The following PPP2R2B variants were observed in gnomAD, a reference collection of about 807,000 sequenced individuals.
PPP2R2B encodes serine/threonine-protein phosphatase 2A 55 kDa regulatory subunit B beta isoform.
Under a neutral mutation model 46.0 loss-of-function variants are expected in PPP2R2B, and 5 were observed. The ratio of observed to expected loss-of-function variants is 0.11; its 90% CI spans 0.06 to 0.23. The LOEUF (loss-of-function observed/expected upper bound fraction) is 0.23. Among genes scored for constraint, PPP2R2B ranks in the 10% least tolerant of loss-of-function variants. PPP2R2B has a pLI of 1.00. For missense variants in PPP2R2B, 367 were observed against 575.0 expected (o/e 0.64, Z 3.70); for synonymous variants, 215 against 206.7 (o/e 1.04, Z -0.34).
At chr5:146,861,372 T>A (rs999082907) in intron 2 of PPP2R2B, among the ~76,000 whole-genome samples, 21 of 151,992 alleles carry the variant, frequency 1.4e-4, no homozygotes, top group African/African-American at 3.9e-4. Context: ...CCTATATTTT[T>A]AGTAGAGGTG....
At chr5:146,640,505 C>T (rs1476043200) in intron 6 of PPP2R2B, among the ~76,000 whole-genome samples, 2 of 152,188 alleles carry the variant, frequency 1.3e-5, no homozygotes, top group African/African-American at 4.8e-5. Context: ...CATGACGTGG[C>T]GTTGGGTAAA....
At chr5:146,734,474 A>G (rs559423645) in intron 2 of PPP2R2B, among the ~76,000 whole-genome samples, 33 of 152,338 alleles carry the variant, frequency 2.2e-4, no homozygotes, top group South Asian at 1.0e-3. Context: ...TGAGGCACAG[A>G]CTGGTTACTT....
intron 1 of PPP2R2B, among the ~76,000 whole-genome samples, chr5:146,902,777 T>C (rs551983569): frequency 9.2e-5 from 14 of 152,330 alleles, no homozygotes; most frequent in Admixed American, 7.2e-4. Context: ...GGTCCTAATC[T>C]ATACTTCCCA....
At chr5:146,790,675 C>A (rs992846345) in intron 2 of PPP2R2B, among the ~76,000 whole-genome samples, 20 of 152,222 alleles carry the variant, frequency 1.3e-4, no homozygotes, top group African/African-American at 4.8e-4. Context: ...TGCCTAATAT[C>A]CCTCCCAAGG....
intron 1 of PPP2R2B, among the ~76,000 whole-genome samples, chr5:146,964,812 A>G (rs1243197628): frequency 6.6e-6 from 1 of 152,120 alleles, no homozygotes; most frequent in Non-Finnish European, 1.5e-5. Context: ...GGTGTGAGCC[A>G]CCGCACCTGA....
At chr5:146,983,364 T>C (rs555915542) in intron 1 of PPP2R2B, among the ~76,000 whole-genome samples, 2 of 152,116 alleles carry the variant, frequency 1.3e-5, no homozygotes, top group Non-Finnish European at 2.9e-5. Flanking sequence ...GTATTTTTAG[T>C]AGAGACGGGG....
chr5:146,959,751 G>T (rs1408133883), intron 1 of PPP2R2B, among the ~76,000 whole-genome samples: 2 of 152,156 alleles, frequency 1.3e-5, no homozygotes, highest in African/African-American at 2.4e-5. Context: ...ATAGACAAGA[G>T]CACTGTAAGT....
intron 1 of PPP2R2B, among the ~76,000 whole-genome samples, chr5:146,884,745 C>T (rs1358674703): frequency 1.3e-5 from 2 of 152,130 alleles, no homozygotes; most frequent in Non-Finnish European, 2.9e-5. Context: ...TTTTAGTTTA[C>T]AGTATATTTG....
intron 5 of PPP2R2B, among the ~76,000 whole-genome samples, chr5:146,673,875 C>T (rs750391821): frequency 7.9e-5 from 12 of 152,158 alleles, no homozygotes; most frequent in Non-Finnish European, 1.8e-4. Flanking sequence ...TTTTCATCAT[C>T]ATCTTATCTG....
At chr5:146,872,130 T>TA (rs1486537131) in intron 2 of PPP2R2B, among the ~76,000 whole-genome samples, 1 of 152,214 alleles carries the variant, frequency 6.6e-6, no homozygotes, top group Non-Finnish European at 1.5e-5. Context: ...ACTGGCCTAA[T>TA]ATTATTCACC....
intron 2 of PPP2R2B, among the ~76,000 whole-genome samples, chr5:146,733,259 A>G (rs1238583592): frequency 6.6e-6 from 1 of 152,202 alleles, no homozygotes; most frequent in African/African-American, 2.4e-5. Flanking sequence ...TCCAAAGTAC[A>G]GGGCTGGGTG....
chr5:146,884,893 TA>T (rs1054082082), intron 1 of PPP2R2B, among the ~76,000 whole-genome samples: 3 of 152,118 alleles, frequency 2.0e-5, no homozygotes, highest in African/African-American at 7.2e-5. Flanking sequence ...TTCAAACCTT[TA>T]AAAAATATAC....
Position 146,898,737 on chromosome 5 carries a change from C to T in PPP2R2B, c.79+156928G>A, listed in dbSNP as rs552285928. Among the ~76,000 whole-genome samples the T allele has an allele frequency of 7.3e-3, 781 of 107,514 alleles. 132 individuals carry two copies. Among genetic ancestry groups the T allele is most frequent in the African/African-American group, 0.038 (741 of 19,366 alleles). 70.5% of individuals were successfully genotyped at this position (107,514 alleles called of 152,430 possible). ...CCCAACCTACTCATCTGACAAAGGGCTAATATCCAGAATCTACAATGAACT... is the reference window on the plus strand; with the variant it reads ...CCCAACCTACTCATCTGACAAAGGGTTAATATCCAGAATCTACAATGAACT... On this transcript the variant is annotated intron_variant, in intron 1 of 8. Transcript: ENST00000336640.
At chr5:146,726,632 A>G (rs1312246812) in intron 2 of PPP2R2B, among the ~76,000 whole-genome samples, 1 of 152,190 alleles carries the variant, frequency 6.6e-6, no homozygotes, top group Non-Finnish European at 1.5e-5. Flanking sequence ...AACATCCTAA[A>G]ACCAGTTAGT....
intron 5 of PPP2R2B, among the ~76,000 whole-genome samples, chr5:146,671,458 T>C (rs1470971668): frequency 1.3e-5 from 2 of 152,206 alleles, no homozygotes; most frequent in African/African-American, 2.4e-5. Flanking sequence ...CTCTCAACCA[T>C]ATGTAACTGC....
At chr5:146,701,254 T>G (rs777494002) in intron 2 of PPP2R2B, 112 bp from the exon 3 acceptor site, 2 of 992,180 alleles carry the variant, frequency 2.0e-6, no homozygotes, top group East Asian at 4.8e-5. Context: ...GTCTCTGCAG[T>G]GGAATTTACA....
intron 2 of PPP2R2B, among the ~76,000 whole-genome samples, chr5:147,074,407 A>G (rs1204643721): frequency 6.6e-6 from 1 of 152,206 alleles, no homozygotes; most frequent in East Asian, 1.9e-4. Context: ...GGGAAGAGCA[A>G]GGCAAGTAGG....
intron 7 of PPP2R2B, among the ~76,000 whole-genome samples, chr5:146,616,084 T>A (rs573922123): frequency 6.6e-6 from 1 of 152,092 alleles, no homozygotes; most frequent in Non-Finnish European, 1.5e-5. Context: ...AATCTGTATA[T>A]CTACAGTGAA....
intron 7 of PPP2R2B, among the ~76,000 whole-genome samples, chr5:146,624,695 C>T (rs1182912029): frequency 6.6e-6 from 1 of 152,174 alleles, no homozygotes; most frequent in Non-Finnish European, 1.5e-5. Flanking sequence ...ATCCAAACTC[C>T]TTACCATTGC....
Sources: allele counts gnomAD v4.1 joint callset (sites outside exome capture counted in the v4.1 genomes callset), GRCh38; gene constraint gnomAD v4.1.1; transcripts MANE v1.5; gene names NCBI Gene and HGNC (gene_info 2026-07-23, HGNC 2026-07-21).